CCDC171: variants seen among roughly 807,000 people sequenced by gnomAD.
The protein encoded by CCDC171 is coiled-coil domain containing 171.
CCDC171 carries 177 observed loss-of-function variants against 168.2 expected under a neutral mutation model. That is an observed-to-expected ratio of 1.05 (90% CI 0.93 to 1.19). The LOEUF (loss-of-function observed/expected upper bound fraction) is 1.19, where lower values mean the gene tolerates loss of function less well. Among genes scored for constraint, CCDC171 ranks in the 50% most tolerant of loss-of-function variants. The probability of loss-of-function intolerance (pLI) is 0.00; values close to 1 mark genes in which losing one functional copy is unlikely to be tolerated. For synonymous variants in CCDC171, 687 were observed against 540.8 expected (o/e 1.27, Z -3.75); for missense variants, 1,991 against 1,539.0 (o/e 1.29, Z -4.91).
chr9:15,864,761 A>T (rs1316772230), intron 23 of CCDC171, among the ~76,000 whole-genome samples: 2 of 152,122 alleles, frequency 1.3e-5, no homozygotes, highest in East Asian at 1.9e-4. Flanking sequence ...GATACTAACC[A>T]AGTGCCTAAT....
intron 7 of CCDC171, among the ~76,000 whole-genome samples, chr9:15,630,663 G>A (rs1213639441): frequency 1.3e-5 from 2 of 152,126 alleles, no homozygotes; most frequent in African/African-American, 4.8e-5. Context: ...ACTCAGCTCT[G>A]CACCAAGCAG....
intron 24 of CCDC171, among the ~76,000 whole-genome samples, chr9:15,888,361 G>A (rs906588348): frequency 2.0e-5 from 3 of 152,092 alleles, no homozygotes; most frequent in Admixed American, 6.6e-5. Context: ...AACAACTTTA[G>A]TGTTTCATTC....
chr9:16,100,486 T>G, the CCDC171 span, among the ~76,000 whole-genome samples: 1 of 152,154 alleles, frequency 6.6e-6, no homozygotes, highest in Non-Finnish European at 1.5e-5. Context: ...GAGGTATCGA[T>G]GTAATTGGCC....
intron 18 of CCDC171, among the ~76,000 whole-genome samples, chr9:15,760,514 G>A (rs1278244293): frequency 3.3e-5 from 5 of 152,098 alleles, no homozygotes; most frequent in African/African-American, 1.2e-4. Context: ...TCTCATTTCA[G>A]CCTCAGTATC....
chr9:15,787,057 A>G (rs537457100), intron 21 of CCDC171, among the ~76,000 whole-genome samples: 87 of 152,264 alleles, frequency 5.7e-4, no homozygotes, highest in African/African-American at 1.9e-3. Flanking sequence ...GCGTGACAGT[A>G]TCATCATTTC....
At chr9:15,902,246 ATATATATATATATATG>A (rs976964658) in intron 24 of CCDC171, among the ~76,000 whole-genome samples, 1,784 of 143,144 alleles carry the variant, frequency 0.012, 38 homozygotes, top group African/African-American at 0.045. Context: ...TATAAAATTC[ATATATATATATATATG>A]TATATATATA....
rs186539327 is a variant in CCDC171 at position 15,626,023 on chromosome 9, A to G, written c.822+2610A>G. 7.3e-4 allele frequency among the ~76,000 whole-genome samples: 111 copies of G among 152,220 alleles called. 1 individual carries two copies. Among genetic ancestry groups the G allele is most frequent in the African/African-American group, 2.4e-3 (98 of 41,532 alleles). On this transcript the variant is annotated intron_variant, in intron 7 of 25. Transcript: ENST00000380701. ...CAGTGGTTTGTAGTTCTCCTTGAAG[A>G]GGTCCTTCACATCCCTTGTAAGTTG... is the stretch of plus-strand genomic sequence containing the variant.
chr9:15,695,895 A>C (rs971641008), intron 11 of CCDC171, among the ~76,000 whole-genome samples: 1 of 152,192 alleles, frequency 6.6e-6, no homozygotes, highest in African/African-American at 2.4e-5. Context: ...AGAGCTATAA[A>C]ATTATATATT....
chr9:15,705,600 C>T (rs772395081), intron 11 of CCDC171, among the ~76,000 whole-genome samples: 3 of 152,204 alleles, frequency 2.0e-5, no homozygotes, highest in Admixed American at 6.5e-5. Flanking sequence ...GCTCAGATCT[C>T]ACCTTGTCCA....
intron 18 of CCDC171, among the ~76,000 whole-genome samples, chr9:15,754,245 A>C (rs73644943): frequency 0.027 from 4,122 of 152,246 alleles, 180 homozygotes; most frequent in African/African-American, 0.095. Context: ...CATTAGCTTT[A>C]AACAAAGCGG....
chr9:15,968,073 G>A (rs1326271013), intron 25 of CCDC171, among the ~76,000 whole-genome samples: 1 of 152,150 alleles, frequency 6.6e-6, no homozygotes, highest in Non-Finnish European at 1.5e-5. Context: ...TTAAAATGTA[G>A]AAATTTAGTA....
chr9:15,575,937 C>T (rs1198410052), intron 3 of CCDC171, among the ~76,000 whole-genome samples: 1 of 151,960 alleles, frequency 6.6e-6, no homozygotes, highest in African/African-American at 2.4e-5. Flanking sequence ...ACTAAAAATG[C>T]AAAAATTAGC....
At chr9:15,866,499 G>A (rs920569082) in intron 23 of CCDC171, among the ~76,000 whole-genome samples, 1 of 151,958 alleles carries the variant, frequency 6.6e-6, no homozygotes, top group African/African-American at 2.4e-5. Context: ...GGCAAAGGAC[G>A]CTGGGAATAC....
At chr9:15,702,787 C>T (rs2051863032) in intron 11 of CCDC171, among the ~76,000 whole-genome samples, 1 of 152,164 alleles carries the variant, frequency 6.6e-6, no homozygotes, top group Admixed American at 6.5e-5. Context: ...TTGTGTTATG[C>T]AGAAGGCTTT....
chr9:15,911,254 G>A (rs910912422), intron 24 of CCDC171, among the ~76,000 whole-genome samples: 1 of 152,166 alleles, frequency 6.6e-6, no homozygotes, highest in African/African-American at 2.4e-5. Context: ...GGCGTGAGAT[G>A]GTATCTCATT....
intron 23 of CCDC171, among the ~76,000 whole-genome samples, chr9:15,854,590 G>A (rs1031361024): frequency 1.3e-5 from 2 of 151,478 alleles, no homozygotes; most frequent in African/African-American, 4.8e-5. Flanking sequence ...TATTATCTCT[G>A]CTCTAAAACA....
intron 6 of CCDC171, among the ~76,000 whole-genome samples, chr9:15,600,188 G>T (rs2042726788): frequency 6.6e-6 from 1 of 152,202 alleles, no homozygotes; most frequent in Non-Finnish European, 1.5e-5. Flanking sequence ...GAGGAGCTGT[G>T]TTCCTTTAGA....
intron 25 of CCDC171, among the ~76,000 whole-genome samples, chr9:15,951,932 C>G (rs574666883): frequency 1.3e-5 from 2 of 152,170 alleles, no homozygotes; most frequent in South Asian, 2.1e-4. Flanking sequence ...TTCCACAAAT[C>G]TTTGCCAAAT....
chr9:15,608,943 T>TAAA (rs2043431429), intron 6 of CCDC171, among the ~76,000 whole-genome samples: 1 of 12,514 alleles, frequency 8.0e-5, no homozygotes. Flanking sequence ...AGACCCTGTC[T>TAAA]CAAAAAAAAA....
Sources: allele counts gnomAD v4.1 joint callset (sites outside exome capture counted in the v4.1 genomes callset), GRCh38; gene constraint gnomAD v4.1.1; transcripts MANE v1.5; gene names NCBI Gene and HGNC (gene_info 2026-07-23, HGNC 2026-07-21).